The following POLRMT variants were observed in gnomAD, a reference collection of about 807,000 sequenced individuals.
POLRMT encodes the protein RNA polymerase mitochondrial.
POLRMT carries 114 observed loss-of-function variants against 132.2 expected under a neutral mutation model. The observed-to-expected ratio is 0.86, with a 90% confidence interval of 0.74 to 1.01. POLRMT has a LOEUF of 1.01. Ranked by LOEUF, POLRMT falls within the 50% of genes least tolerant of loss-of-function variation. The pLI is 0.00. For synonymous variants in POLRMT, 1,020 were observed against 773.4 expected (o/e 1.32, Z -5.29); for missense variants, 2,003 against 1,729.1 (o/e 1.16, Z -2.81).
At position 617,573 on chromosome 19, in the gene POLRMT, G is replaced by A. The variant is rs142850300; in HGVS notation, c.3578C>T (p.Ser1193Phe). Residue 1193 changes from serine to phenylalanine, a missense_variant, in exon 19 of 21, where the codon TCT (serine) becomes TTT (phenylalanine). Transcript: ENST00000588649. Reference sequence around the variant, plus strand: ...TTGGGGTCAGGGAGCGCCTTACTCAGAGCAGAACCGCTTGACCAGGAATCT... The same window carrying A: ...TTGGGGTCAGGGAGCGCCTTACTCAAAGCAGAACCGCTTGACCAGGAATCT... ...LSRFLVKRFC[S>F]EPQKILEASQ... is the part of the protein sequence containing the mutation. The A allele has an allele frequency of 8.9e-4, 1,433 of 1,611,776 alleles. 6 individuals carry two copies. The African/African-American group carries it at 0.017, about 19-fold the overall frequency.
Position 620,490 on chromosome 19 carries a change from G to C in POLRMT, c.2641-3C>G. The C allele has an allele frequency of 6.4e-7, 1 of 1,574,574 alleles. No homozygotes were observed. The highest frequency in any genetic ancestry group is 8.6e-7 in the Non-Finnish European group (1 of 1,158,674). ...GCGCCCATCCACCACTTTCGGCCCT[G>C]CGGGGACAGCGGATGGGGGGCAGTG... On this transcript the variant is annotated splice_polypyrimidine_tract_variant and splice_region_variant and intron_variant, in intron 10 of 20. Coordinates refer to ENST00000588649, the MANE Select transcript of POLRMT (RefSeq NM_005035.4).
Position 617,768 on chromosome 19 carries a change from C to CG in POLRMT, c.3495+8dup. 6.2e-7 allele frequency: 1 copy of CG among 1,613,098 alleles called. No homozygotes were observed. Among genetic ancestry groups the CG allele is most frequent in the Non-Finnish European group, 8.5e-7 (1 of 1,179,778 alleles). The stretch of plus-strand genomic sequence containing the variant: ...CATGGGTGGACTGAGGCTCAGACTA[C>CG]GGGGGCACCTGGTTCATGACGGAGA... On this transcript the variant is annotated intron_variant, in intron 18 of 20. Coordinates refer to ENST00000588649, the MANE Select transcript of POLRMT (RefSeq NM_005035.4).
chr19:619,425 C>T (rs1053390516), intron 13 of POLRMT, 129 bp from the exon 14 acceptor site: 315 of 1,351,270 alleles, frequency 2.3e-4, no homozygotes, highest in Admixed American at 1.2e-3. Flanking sequence ...TGGGGCCTGG[C>T]GCCCACGCAG....
intron 17 of POLRMT, 66 bp downstream of exon 17, chr19:618,422 G>A: frequency 5.4e-6 from 7 of 1,288,356 alleles, no homozygotes; most frequent in Non-Finnish European, 7.6e-6. Flanking sequence ...CTTGCCAGCT[G>A]TGCCCTGCTA....
In POLRMT at chr19:622,681, G is replaced by C. The variant is rs772755688; in HGVS notation, c.1527C>G (p.Phe509Leu). The C allele has an allele frequency of 1.2e-6, 2 of 1,605,414 alleles. No homozygotes were observed. The highest frequency in any genetic ancestry group is 2.2e-5 in the South Asian group (2 of 89,780). The change falls in exon 8 of 21, where the codon TTC becomes TTG. Residue 509 changes from phenylalanine to leucine, a missense_variant. Phe to Leu is a conservative substitution (Grantham distance 22, BLOSUM62 0). Transcript: ENST00000588649. ...GCTGCCTCTGCACCACGTGCCGGCTGAAAGTGCGCGCACTCAGCTCCCGGG... is the reference window on the plus strand; with the variant it reads ...GCTGCCTCTGCACCACGTGCCGGCTCAAAGTGCGCGCACTCAGCTCCCGGG... ...TLARELSART[F>L]SRHVVQRQRV...
Position 617,480 on chromosome 19 carries a change from C to T in POLRMT, c.3582G>A (p.Glu1194=), listed in dbSNP as rs749766737. 1.2e-6 allele frequency: 2 copies of T among 1,608,632 alleles called. No homozygotes were observed. Among genetic ancestry groups the T allele is most frequent in the East Asian group, 2.2e-5 (1 of 44,796 alleles). Residue 1194 remains glutamate (E), a splice_region_variant and synonymous_variant, in exon 20 of 21, where the codon GAG becomes GAA. Transcript: ENST00000588649. ...GGCTGGCCTCCAAGATCTTCTGGGG[C>T]CTGGGGTTGGAAGCAGGGTGGGGTG... ...SRFLVKRFCS[E]PQKILEASQL...
rs773336329 is a variant in POLRMT at position 622,217 on chromosome 19, T to G, written c.1783A>C (p.Lys595Gln). 6.4e-6 allele frequency: 10 copies of G among 1,568,402 alleles called. No individual in the cohort carries two copies. In the African/African-American group the frequency reaches 1.4e-4, roughly 21 times the overall value. ...QATQMPCSLDKPHRSSRLVPV... is the reference protein window; with the variant it reads ...QATQMPCSLDQPHRSSRLVPV... ...ACAAGCCGAGAGGAACGATGCGGCT[T>G]GTCCAGGCTGCATGGCATCTGCGTA... The change falls in exon 9 of 21, where the codon AAG becomes CAG. Residue 595 changes from lysine to glutamine, a missense_variant. Lys to Gln is a moderately conservative substitution (Grantham distance 53). Coordinates refer to ENST00000588649, the MANE Select transcript of POLRMT (RefSeq NM_005035.4).
chr19:628,486 G>A lies in POLRMT; in HGVS notation c.822+1054C>T, dbSNP rs1169610765. ...GATCCTGAATTTCGCTGTTTGATGC[G>A]TTAATAAAGAAGCACATCAAGTTCT... On this transcript the variant is annotated intron_variant, in intron 3 of 20. Transcript: ENST00000588649. Among the ~76,000 whole-genome samples the A allele has an allele frequency of 3.3e-5, 5 of 152,292 alleles. No homozygotes were observed. In the South Asian group the frequency reaches 6.2e-4, roughly 19 times the overall value.
rs1472598710 is a variant in POLRMT, at chr19:617,570, T to A, written c.3581A>T (p.Glu1194Val). The A allele has an allele frequency of 3.7e-6, 6 of 1,611,530 alleles. No homozygotes were observed. In the Admixed American group the frequency reaches 5.0e-5, roughly 13 times the overall value. The change falls in exon 19 of 21, where the codon GAG (glutamate) becomes GTG (valine). Residue 1194 changes from glutamate to valine, a missense_variant and splice_region_variant. By Grantham distance (121) the Glu-to-Val change is moderately radical. Coordinates refer to ENST00000588649, the MANE Select transcript of POLRMT (RefSeq NM_005035.4). ...TAGTTGGGGTCAGGGAGCGCCTTACTCAGAGCAGAACCGCTTGACCAGGAA... is the reference window on the plus strand; with the variant it reads ...TAGTTGGGGTCAGGGAGCGCCTTACACAGAGCAGAACCGCTTGACCAGGAA... Reference protein sequence around the residue: ...SRFLVKRFCSEPQKILEASQL... With the variant: ...SRFLVKRFCSVPQKILEASQL...
chr19:627,183 G>A (rs1432600703), intron 3 of POLRMT, among the ~76,000 whole-genome samples: 16 of 133,222 alleles, frequency 1.2e-4, no homozygotes, highest in Admixed American at 5.3e-4. Context: ...ACGGAGTCTC[G>A]CTCTGTCGCC....
In POLRMT at chr19:618,501, G is replaced by A. The variant is rs532455595; in HGVS notation, c.3409C>T (p.Leu1137=). Reference sequence around the variant, plus strand: ...GGAGACGCCCACCTGTAGCAGTGCAGGGCGGTGAGCATCATGTGGGAGGAG... The same window carrying A: ...GGAGACGCCCACCTGTAGCAGTGCAAGGCGGTGAGCATCATGTGGGAGGAG... ...LDSSHMMLTA[L]HCYRKGLTFV... The change falls in exon 17 of 21, where the codon CTG becomes TTG. Residue 1137 remains leucine (L), a synonymous_variant. Transcript: ENST00000588649. The A allele has an allele frequency of 5.7e-5, 92 of 1,611,344 alleles. No homozygotes were observed. In the South Asian group the frequency reaches 7.0e-4, roughly 12 times the overall value.
At chr19:627,784 G>A (rs1033651677) in intron 3 of POLRMT, among the ~76,000 whole-genome samples, 2 of 151,802 alleles carry the variant, frequency 1.3e-5, no homozygotes, top group Non-Finnish European at 2.9e-5. Flanking sequence ...AATTGGCCGG[G>A]CGTGGTGGTG....
intron 20 of POLRMT, 41 bp downstream of exon 20, chr19:617,378 C>A: frequency 6.2e-7 from 1 of 1,612,390 alleles, no homozygotes; most frequent in Non-Finnish European, 8.5e-7. Flanking sequence ...CGCCCTGGCC[C>A]GCAGTTCGAG....
Position 622,772 on chromosome 19 carries a change from G to A in POLRMT, c.1456-20C>T, listed in dbSNP as rs1292225967. On this transcript the variant is annotated intron_variant, in intron 7 of 20. Coordinates refer to ENST00000588649, the MANE Select transcript of POLRMT (RefSeq NM_005035.4). ...CAGGACCTGCGGAAGGCAGCCGTGA[G>A]TGCCTGCCCGCCCCGCCCGGGGACC... is the stretch of plus-strand genomic sequence containing the variant. The A allele has an allele frequency of 6.4e-7, 1 of 1,566,720 alleles. No homozygotes were observed. Among genetic ancestry groups the A allele is most frequent in the Non-Finnish European group, 8.6e-7 (1 of 1,158,010 alleles).
At position 630,122 on chromosome 19, in the gene POLRMT, C is replaced by T; in HGVS notation, c.240G>A (p.Glu80=). The change falls in exon 3 of 21, where the codon GAG becomes GAA. Residue 80 remains glutamate, a synonymous_variant. Transcript: ENST00000588649. ...VRQLQAESVS[E]VVVNRVDVAR... Reference sequence around the variant, plus strand: ...CCACATCCACCCTGTTCACCACCACCTCCGACACGCTCTCAGCCTGCAGCT... The same window carrying T: ...CCACATCCACCCTGTTCACCACCACTTCCGACACGCTCTCAGCCTGCAGCT... The T allele has an allele frequency of 6.2e-7, 1 of 1,611,006 alleles. No homozygotes were observed. The highest frequency in any genetic ancestry group is 8.5e-7 in the Non-Finnish European group (1 of 1,178,268).
chr19:624,896 T>C lies in POLRMT; in HGVS notation c.963A>G (p.Glu321=), dbSNP rs1299855104. Residue 321 remains glutamate (E), a synonymous_variant, in exon 5 of 21, where the codon GAA becomes GAG. Coordinates refer to ENST00000588649, the MANE Select transcript of POLRMT (RefSeq NM_005035.4). Reference sequence around the variant, plus strand: ...GCTTCAGCCCCTCCTGGCTCATCTGTTCCAGACACCTGTGGTGCAGGCGGC... The same window carrying C: ...GCTTCAGCCCCTCCTGGCTCATCTGCTCCAGACACCTGTGGTGCAGGCGGC... ...QDAGTIERCL[E]QMSQEGLKLQ... is the part of the protein sequence containing the mutation. 1.9e-6 allele frequency: 3 copies of C among 1,609,932 alleles called. No homozygotes were observed. The East Asian group carries it at 6.7e-5, about 36-fold the overall frequency.
rs1284861534 is a variant in POLRMT, at chr19:621,640, G to A, written c.2058C>T (p.Thr686=). The change falls in exon 10 of 21, where the codon ACC becomes ACT. Residue 686 remains threonine (T), a synonymous_variant. Coordinates refer to ENST00000588649, the MANE Select transcript of POLRMT (RefSeq NM_005035.4). ...GATQHQELLE[T]CPPTALHGAL... ...CGCCATGCAGCGCGGTGGGCGGGCAGGTTTCCAGCAGCTCCTGGTGCTGCG... is the reference window on the plus strand; with the variant it reads ...CGCCATGCAGCGCGGTGGGCGGGCAAGTTTCCAGCAGCTCCTGGTGCTGCG... The A allele has an allele frequency of 1.3e-6, 2 of 1,535,840 alleles. No homozygotes were observed. Among genetic ancestry groups the A allele is most frequent in the Admixed American group, 2.0e-5 (1 of 50,674 alleles).
At chr19:626,479 A>AT (rs113783333) in intron 3 of POLRMT, among the ~76,000 whole-genome samples, 1,918 of 136,450 alleles carry the variant, frequency 0.014, 36 homozygotes, top group African/African-American at 0.042. Context: ...ATCCCCTGCA[A>AT]TTTTTTTTTT....
At chr19:623,226 C>T (rs1984768661) in intron 6 of POLRMT, among the ~76,000 whole-genome samples, 1 of 152,242 alleles carries the variant, frequency 6.6e-6, no homozygotes, top group Admixed American at 6.5e-5. Flanking sequence ...ACCTCGGGAC[C>T]CCACAAGTTT....
Sources: allele counts gnomAD v4.1 joint callset (sites outside exome capture counted in the v4.1 genomes callset), GRCh38; gene constraint gnomAD v4.1.1; transcripts MANE v1.5; gene names NCBI Gene and HGNC (gene_info 2026-07-23, HGNC 2026-07-21).